Variants in FAIM observed in about 807,000 individuals in gnomAD.
The protein encoded by FAIM is fas apoptotic inhibitory molecule 1.
Under a neutral mutation model 21.2 loss-of-function variants are expected in FAIM, and 14 were observed. That is an observed-to-expected ratio of 0.66 (90% CI 0.44 to 1.03). The LOEUF (loss-of-function observed/expected upper bound fraction) is 1.03, where lower values mean the gene tolerates loss of function less well. FAIM is among the 50% of genes least tolerant of loss of function. FAIM has a pLI of 0.00. For missense variants in FAIM, 222 were observed against 247.1 expected (o/e 0.90, Z 0.68); for synonymous variants, 86 against 80.4 (o/e 1.07, Z -0.37).
At chr3:138,615,472 A>G (rs1026272136) in intron 1 of FAIM, among the ~76,000 whole-genome samples, 1 of 152,234 alleles carries the variant, frequency 6.6e-6, no homozygotes, top group Non-Finnish European at 1.5e-5. Flanking sequence ...GTGTGAGGAT[A>G]TTCTCAAAAT....
intron 4 of FAIM, among the ~76,000 whole-genome samples, chr3:138,627,203 A>T (rs1218790901): frequency 6.7e-6 from 1 of 149,038 alleles, no homozygotes; most frequent in Non-Finnish European, 1.5e-5. Context: ...TTTTCCCAAG[A>T]CAGGATCTCA....
intron 1 of FAIM, chr3:138,610,945 C>A: frequency 6.2e-7 from 1 of 1,610,688 alleles, no homozygotes; most frequent in Non-Finnish European, 8.5e-7. Context: ...TCCTCTATGG[C>A]CCATTCTATC....
At chr3:138,609,348 C>T (rs901131246) in intron 1 of FAIM, among the ~76,000 whole-genome samples, 2 of 151,944 alleles carry the variant, frequency 1.3e-5, no homozygotes, top group Non-Finnish European at 2.9e-5. Flanking sequence ...TTCGCGACCT[C>T]TAAAGATAAT....
At chr3:138,629,237 A>C (rs2042976405) in intron 5 of FAIM, 81 bp downstream of exon 5, 4 of 1,169,580 alleles carry the variant, frequency 3.4e-6, no homozygotes, top group Non-Finnish European at 2.5e-6. Context: ...AATTATAGAG[A>C]TCTTATAATG....
chr3:138,619,364 A>G (rs1379804298), intron 1 of FAIM, among the ~76,000 whole-genome samples: 1 of 152,264 alleles, frequency 6.6e-6, no homozygotes, highest in Non-Finnish European at 1.5e-5. Flanking sequence ...CTTGAAAAGC[A>G]TAGGACCCAG....
rs1460774758 is a variant in FAIM at position 138,612,292 on chromosome 3, G to A, written c.-17+3355G>A. ...ATTTTTTTGTAGTTTTAGTAGAGACGGGGTTTCACCGTGTTAGCCAGGATG... is the reference window on the plus strand; with the variant it reads ...ATTTTTTTGTAGTTTTAGTAGAGACAGGGTTTCACCGTGTTAGCCAGGATG... On this transcript the variant is annotated intron_variant, in intron 1 of 5. Coordinates refer to ENST00000360570, the MANE Select transcript of FAIM (RefSeq NM_001033031.2). Among the ~76,000 whole-genome samples the A allele has an allele frequency of 7.9e-5, 12 of 152,038 alleles. No individual in the cohort carries two copies. In the East Asian group the frequency reaches 1.7e-3, roughly 22 times the overall value.
chr3:138,621,205 A>G, intron 2 of FAIM: 1 of 571,142 alleles, frequency 1.8e-6, no homozygotes, highest in Non-Finnish European at 3.1e-6. Context: ...ATGTACCCAT[A>G]TATAGTAGTT....
chr3:138,619,896 T>G, intron 2 of FAIM, 126 bp downstream of exon 2: 2 of 891,052 alleles, frequency 2.2e-6, no homozygotes, highest in Non-Finnish European at 1.7e-6. Context: ...TACATGGTTC[T>G]GCTTTTGTGT....
intron 1 of FAIM, chr3:138,609,189 A>T (rs1173415819): frequency 2.0e-5 from 3 of 151,734 alleles, no homozygotes; most frequent in African/African-American, 7.3e-5. Context: ...GTGATCCCAG[A>T]CCTCGGGGCG....
chr3:138,628,851 A>G (rs988329057), intron 4 of FAIM, among the ~76,000 whole-genome samples: 1 of 152,174 alleles, frequency 6.6e-6, no homozygotes, highest in African/African-American at 2.4e-5. Context: ...ATCAATTTGT[A>G]TTAAGACCAT....
intron 5 of FAIM, chr3:138,630,615 G>A (rs377013701): frequency 6.6e-6 from 1 of 152,166 alleles, no homozygotes; most frequent in South Asian, 2.1e-4. Flanking sequence ...AGAGAGGCTT[G>A]GAGAGTGCTT....
At chr3:138,622,138 A>G (rs760403216) in intron 3 of FAIM, 50 bp from the exon 4 acceptor site, 25 of 1,377,050 alleles carry the variant, frequency 1.8e-5, no homozygotes, top group South Asian at 1.1e-4. Flanking sequence ...CTAAAATTAG[A>G]TATCAATTTT....
At chr3:138,614,810 G>A (rs2042809158) in intron 1 of FAIM, among the ~76,000 whole-genome samples, 1 of 151,702 alleles carries the variant, frequency 6.6e-6, no homozygotes. Flanking sequence ...GTGTGGTGGT[G>A]TGTACCTGTA....
At chr3:138,617,359 G>T (rs545631223) in intron 1 of FAIM, among the ~76,000 whole-genome samples, 2 of 146,614 alleles carry the variant, frequency 1.4e-5, no homozygotes, top group Non-Finnish European at 3.0e-5. Flanking sequence ...ATGCTGTTTG[G>T]CTTATTTTTT....
intron 1 of FAIM, among the ~76,000 whole-genome samples, chr3:138,613,009 G>GT (rs1363434488): frequency 4.4e-5 from 5 of 113,320 alleles, no homozygotes; most frequent in African/African-American, 8.3e-5. Context: ...GAAGTCCTTT[G>GT]CCTTTTTTTT....
At chr3:138,613,114 A>C (rs2042788820) in intron 1 of FAIM, among the ~76,000 whole-genome samples, 1 of 151,536 alleles carries the variant, frequency 6.6e-6, no homozygotes, top group South Asian at 2.1e-4. Flanking sequence ...TCCTGGGTTC[A>C]AGCGATTCTC....
At chr3:138,628,634 A>G (rs948346270) in intron 4 of FAIM, among the ~76,000 whole-genome samples, 40 of 151,870 alleles carry the variant, frequency 2.6e-4, no homozygotes, top group East Asian at 9.7e-4. Flanking sequence ...ACAGGCACCC[A>G]CCACCATGCC....
chr3:138,627,162 A>G (rs369804710), intron 4 of FAIM, among the ~76,000 whole-genome samples: 3 of 148,114 alleles, frequency 2.0e-5, no homozygotes, highest in South Asian at 2.1e-4. Context: ...TTTTTCTTCA[A>G]TTGTGCTGTG....
intron 2 of FAIM, 175 bp from the exon 3 acceptor site, chr3:138,621,232 G>C: frequency 3.1e-6 from 2 of 635,788 alleles, no homozygotes; most frequent in South Asian, 4.0e-5. Context: ...TAAAGGAAGA[G>C]TGAATAAGAG....
Sources: gnomAD v4.1 joint callset for allele counts (sites outside exome capture counted in the v4.1 genomes callset) on GRCh38, gnomAD v4.1.1 for gene constraint, MANE v1.5 for transcripts, NCBI Gene and HGNC (gene_info 2026-07-23, HGNC 2026-07-21) for gene names.